Variants in ENO3 observed in about 807,000 individuals in gnomAD.
ENO3 encodes the protein enolase 3.
ENO3 carries 46 observed loss-of-function variants against 47.7 expected under a neutral mutation model. That is an observed-to-expected ratio of 0.96 (90% CI 0.76 to 1.23). ENO3 has a LOEUF of 1.23. Among genes scored for constraint, ENO3 ranks in the 50% most tolerant of loss-of-function variants. The pLI, the probability that ENO3 is intolerant of heterozygous loss-of-function variation, is 0.00. For synonymous variants in ENO3, 223 were observed against 225.9 expected, an observed-to-expected ratio of 0.99 and a Z score of 0.11; for missense variants, 575 against 566.2, an observed-to-expected ratio of 1.02 and a Z score of -0.16.
intron 1 of ENO3, 28 bp downstream of exon 1, chr17:4,951,210 T>G: frequency 3.0e-6 from 3 of 988,930 alleles, no homozygotes; most frequent in Admixed American, 5.8e-5. Context: ...GCCCTGGGGG[T>G]GGAGGTAGTA....
upstream of ENO3, among the ~76,000 whole-genome samples, chr17:4,950,031 T>G (rs1240949948): frequency 2.6e-5 from 3 of 115,786 alleles, no homozygotes; most frequent in South Asian, 3.5e-4. Flanking sequence ...GCGGGGCAGG[T>G]GGCCTGGGGT....
rs202030238 is a variant in ENO3, at chr17:4,953,813, G to A, written c.412G>A (p.Ala138Thr). Residue 138 changes from alanine to threonine, a missense_variant, in exon 6 of 12, where the codon GCT (alanine) becomes ACT (threonine). Physicochemically the swap from Ala to Thr is moderately conservative, Grantham distance 58 (BLOSUM62 0). Transcript: ENST00000519602. ...VPLYRHIADL[A>T]GNPDLILPVP... ...CCTGTACCGCCACATCGCAGATCTC[G>A]CTGGGAACCCTGACCTCATACTCCC... is the stretch of plus-strand genomic sequence containing the variant. 124 of 1,614,142 alleles carry A rather than the reference G, an allele frequency of 7.7e-5. No individual in the cohort carries two copies. The East Asian group carries it at 8.7e-4, about 11-fold the overall frequency.
At chr17:4,949,624 C>T (rs1171921775), upstream of ENO3, among the ~76,000 whole-genome samples, 2 of 139,432 alleles carry the variant, frequency 1.4e-5, no homozygotes, top group Admixed American at 7.0e-5. Context: ...GCGGGACGGG[C>T]GGGACGGCCG....
chr17:4,950,152 C>T (rs1406673554), upstream of ENO3: 3 of 152,064 alleles, frequency 2.0e-5, no homozygotes, highest in Admixed American at 6.5e-5. Context: ...GAAGGGCCTC[C>T]GAGTCGGGCC....
chr17:4,951,359 G>T, intron 1 of ENO3, 177 bp downstream of exon 1: 1 of 894,948 alleles, frequency 1.1e-6, no homozygotes. Context: ...GAACACCGAA[G>T]GATCTAGGGA....
chr17:4,953,806 A>G lies in ENO3; in HGVS notation c.405A>G (p.Ala135=), dbSNP rs1366791178. 2 of 1,614,048 alleles carry G rather than the reference A, an allele frequency of 1.2e-6. No homozygotes were observed. Among genetic ancestry groups the G allele is most frequent in the Admixed American group, 3.3e-5 (2 of 60,006 alleles). ...EKGVPLYRHI[A]DLAGNPDLIL... ...GGGTCCCCCTGTACCGCCACATCGC[A>G]GATCTCGCTGGGAACCCTGACCTCA... The change falls in exon 6 of 12, where the codon GCA becomes GCG. Residue 135 remains alanine, a synonymous_variant. Coordinates refer to ENST00000519602, the MANE Select transcript of ENO3 (RefSeq NM_053013.4).
Position 4,955,969 on chromosome 17 carries a change from A to G in ENO3, c.893A>G (p.Gln298Arg), listed in dbSNP as rs889097238. 3 of 1,612,712 alleles carry G rather than the reference A, an allele frequency of 1.9e-6. No individual in the cohort carries two copies. The highest frequency in any genetic ancestry group is 2.7e-5 in the African/African-American group (2 of 74,488). Residue 298 changes from glutamine (Q) to arginine (R), a missense_variant, in exon 9 of 12, where the codon CAG becomes CGG. Physicochemically the swap from Gln to Arg is conservative, Grantham distance 43 (BLOSUM62 1). Transcript: ENST00000519602. ...PVVSIEDPFD[Q>R]DDWATWTSFL... ...GTCTCCATCGAAGACCCCTTTGACC[A>G]GGATGACTGGGCCACTTGGACCTCC...
chr17:4,954,837 C>T (rs1484281012), intron 6 of ENO3, among the ~76,000 whole-genome samples: 4 of 148,244 alleles, frequency 2.7e-5, no homozygotes, highest in African/African-American at 7.5e-5. Context: ...CACTTGAACC[C>T]GGGAGGCGGA....
rs1224686503 is a variant in ENO3, at chr17:4,957,128, A to G, written c.*81A>G. On this transcript the variant is annotated 3_prime_UTR_variant, in exon 12 of 12. Transcript: ENST00000519602. ...CCTGAAATAAACACTGGTGCCAACC[A>G]AGACAGCTGTGTGCTTCTTTGTGGG... 1.3e-6 allele frequency: 2 copies of G among 1,571,368 alleles called. No homozygotes were observed.
Position 4,956,899 on chromosome 17 carries a change from G to C in ENO3, c.1235+10G>C. 1 of 1,614,224 alleles carries C rather than the reference G, an allele frequency of 6.2e-7. No homozygotes were observed. The highest frequency in any genetic ancestry group is 8.5e-7 in the Non-Finnish European group (1 of 1,180,038). On this transcript the variant is annotated intron_variant, in intron 11 of 11. Coordinates refer to ENST00000519602, the MANE Select transcript of ENO3 (RefSeq NM_053013.4). Reference sequence around the variant, plus strand: ...ACAACCAACTCATGAGGTACAGCGGGAACAGTGGGCCTGGGCATTGGGGTG... The same window carrying C: ...ACAACCAACTCATGAGGTACAGCGGCAACAGTGGGCCTGGGCATTGGGGTG...
At position 4,955,302 on chromosome 17, in the gene ENO3, GT is replaced by G; in HGVS notation, c.667+6del. 6.2e-7 allele frequency: 1 copy of G among 1,614,286 alleles called. No homozygotes were observed. Among genetic ancestry groups the G allele is most frequent in the Non-Finnish European group, 8.5e-7 (1 of 1,180,048 alleles). On this transcript the variant is annotated splice_donor_region_variant and intron_variant, in intron 7 of 11. Coordinates refer to ENST00000519602, the MANE Select transcript of ENO3 (RefSeq NM_053013.4). ...ACATCCTGGAGAACAATGAGGGTCA[GT>G]GCTGAGCACCCTGGGGGGCAGACCC...
Position 4,957,019 on chromosome 17 carries a change from G to T in ENO3, c.1277G>T (p.Arg426Leu). The change falls in exon 12 of 12, where the codon CGC (arginine) becomes CTC (leucine). Residue 426 changes from arginine (R) to leucine (L), a missense_variant. Physicochemically the swap from Arg to Leu is moderately radical, Grantham distance 102. Coordinates refer to ENST00000519602, the MANE Select transcript of ENO3 (RefSeq NM_053013.4). ...GGGGACAAGGCAATCTTTGCTGGAC[G>T]CAAGTTCCGTAACCCGAAGGCCAAG... ...ALGDKAIFAG[R>L]KFRNPKAK is the part of the protein sequence containing the mutation. The T allele has an allele frequency of 1.9e-6, 3 of 1,614,180 alleles. No homozygotes were observed. The highest frequency in any genetic ancestry group is 2.5e-6 in the Non-Finnish European group (3 of 1,180,028).
intron 8 of ENO3, 114 bp downstream of exon 8, chr17:4,955,718 A>C: frequency 6.7e-7 from 1 of 1,498,110 alleles, no homozygotes; most frequent in South Asian, 1.1e-5. Context: ...TCTTAGCCCC[A>C]TTAAAATCCC....
At chr17:4,950,295 C>T (rs1971502443), upstream of ENO3, 1 of 152,450 alleles carries the variant, frequency 6.6e-6, no homozygotes, top group Admixed American at 6.5e-5. Context: ...CGCAGTGCTA[C>T]AAGTGGGGCG....
intron 5 of ENO3, 128 bp from the exon 6 acceptor site, chr17:4,953,584 G>C: frequency 6.4e-7 from 1 of 1,564,264 alleles, no homozygotes; most frequent in Non-Finnish European, 8.8e-7. Context: ...GGCTACTCAG[G>C]CTGTTGGGGA....
At position 4,956,727 on chromosome 17, in the gene ENO3, G is replaced by A. The variant is rs770572476; in HGVS notation, c.1176+46G>A. On this transcript the variant is annotated intron_variant, in intron 10 of 11. Coordinates refer to ENST00000519602, the MANE Select transcript of ENO3 (RefSeq NM_053013.4). Reference sequence around the variant, plus strand: ...CTGAGTGTCTCACCAAGTTTTCTTGGGGTCCCTGGCCTCCTGCCTTTGAGG... The same window carrying A: ...CTGAGTGTCTCACCAAGTTTTCTTGAGGTCCCTGGCCTCCTGCCTTTGAGG... 7 of 1,613,928 alleles carry A rather than the reference G, an allele frequency of 4.3e-6. No individual in the cohort carries two copies. In the South Asian group the frequency reaches 7.7e-5, roughly 18 times the overall value.
At chr17:4,949,923 G>A (rs898000996), upstream of ENO3, among the ~76,000 whole-genome samples, 8 of 152,020 alleles carry the variant, frequency 5.3e-5, no homozygotes, top group Non-Finnish European at 1.0e-4. Context: ...GCCATCTCCT[G>A]ACCCCTGGCC....
upstream of ENO3, chr17:4,950,285 C>G (rs79435236): frequency 1.3e-5 from 2 of 152,366 alleles, no homozygotes; most frequent in Non-Finnish European, 2.9e-5. Flanking sequence ...CCTACCTCCC[C>G]GCAGTGCTAC....
chr17:4,955,872 T>TCTGTCTCTGCC (rs58519280), intron 8 of ENO3, 70 bp from the exon 9 acceptor site: 33 of 311,962 alleles, frequency 1.1e-4, no homozygotes, highest in East Asian at 7.5e-4. Flanking sequence ...CTGTCTCTGC[T>TCTGTCTCTGCC]CTGTCTCTGC....
Sources: allele counts gnomAD v4.1 joint callset (sites outside exome capture counted in the v4.1 genomes callset), GRCh38; gene constraint gnomAD v4.1.1; transcripts MANE v1.5; gene names NCBI Gene and HGNC (gene_info 2026-07-23, HGNC 2026-07-21).